The following GREB1L variants were observed in gnomAD, a reference collection of about 807,000 sequenced individuals.
GREB1L encodes GREB1 like retinoic acid receptor coactivator.
GREB1L carries 17 observed loss-of-function variants against 200.8 expected under a neutral mutation model. The observed-to-expected ratio is 0.08, with a 90% CI of 0.06 to 0.13. The LOEUF is 0.13. Ranked by LOEUF, GREB1L falls within the 10% of genes least tolerant of loss-of-function variation. The pLI is 1.00. For synonymous variants in GREB1L, 789 were observed against 893.0 expected (o/e 0.88, Z 2.08); for missense variants, 1,657 against 2,367.7 (o/e 0.70, Z 6.23).
rs748585568 is a variant in GREB1L, at chr18:21,495,658, C to G, written c.3031-12C>G. The G allele has an allele frequency of 7.5e-6, 10 of 1,340,982 alleles. No individual in the cohort carries two copies. The highest frequency in any genetic ancestry group is 2.1e-6 in the Non-Finnish European group (2 of 963,890). 83.1% of individuals were successfully genotyped at this position (1,340,982 alleles called of 1,614,324 possible). ...AGAGTTTTAATTTTAACATACGGGTCTCTTTCTGTAGAGTTGGAGAGGAAA... is the reference window on the plus strand; with the variant it reads ...AGAGTTTTAATTTTAACATACGGGTGTCTTTCTGTAGAGTTGGAGAGGAAA... On this transcript the variant is annotated splice_polypyrimidine_tract_variant and intron_variant, in intron 19 of 32. Transcript: ENST00000424526.
chr18:21,311,884 A>G (rs2038796620), intron 1 of GREB1L, among the ~76,000 whole-genome samples: 1 of 151,780 alleles, frequency 6.6e-6, no homozygotes, highest in African/African-American at 2.4e-5. Context: ...TTATATAGGT[A>G]AACTCATGTC....
At position 21,383,758 on chromosome 18, in the gene GREB1L, G is replaced by T. The variant is rs1188480546; in HGVS notation, c.157+83G>T. 7 of 1,367,794 alleles carry T rather than the reference G, an allele frequency of 5.1e-6. No homozygotes were observed. In the Admixed American group the frequency reaches 1.5e-4, roughly 29 times the overall value. 84.7% of individuals were successfully genotyped at this position (1,367,794 alleles called of 1,614,324 possible). A position where few individuals can be genotyped will look rare whatever the true frequency, so the allele number is the denominator to read the frequency against. The stretch of plus-strand genomic sequence containing the variant: ...GATGGAGTCTCCGTCTGTTGCCCAG[G>T]CTGGAGTGCAGTGGCGTGATCTCGG... On this transcript the variant is annotated intron_variant, in intron 3 of 32. Coordinates refer to ENST00000424526, the MANE Select transcript of GREB1L (RefSeq NM_001142966.3).
intron 1 of GREB1L, among the ~76,000 whole-genome samples, chr18:21,324,481 C>T (rs1350552955): frequency 6.6e-6 from 1 of 152,190 alleles, no homozygotes; most frequent in African/African-American, 2.4e-5. Flanking sequence ...CTGTCAAAAT[C>T]AACCAGAAAA....
intron 5 of GREB1L, 137 bp downstream of exon 5, chr18:21,395,698 C>A: frequency 1.1e-5 from 6 of 565,164 alleles, no homozygotes; most frequent in Non-Finnish European, 1.5e-5. Context: ...AATTATGAGA[C>A]ATTTTTTCTT....
chr18:21,264,294 C>T (rs2037933589), intron 1 of GREB1L, among the ~76,000 whole-genome samples: 1 of 151,312 alleles, frequency 6.6e-6, no homozygotes, highest in Admixed American at 6.6e-5. Flanking sequence ...ACGATGACAA[C>T]AAATGACACA....
chr18:21,242,839 G>A (rs370483243), intron 1 of GREB1L, among the ~76,000 whole-genome samples: 3 of 152,270 alleles, frequency 2.0e-5, no homozygotes, highest in African/African-American at 7.2e-5. Context: ...CCGAGCCCAG[G>A]GGCAGTGAGG....
chr18:21,278,150 C>T (rs1487697560), intron 1 of GREB1L, among the ~76,000 whole-genome samples: 3 of 152,048 alleles, frequency 2.0e-5, no homozygotes, highest in East Asian at 1.9e-4. Flanking sequence ...GAGGCCGAGG[C>T]GGGTGGATCA....
intron 1 of GREB1L, among the ~76,000 whole-genome samples, chr18:21,251,021 T>TA (rs1269108416): frequency 6.6e-6 from 1 of 152,182 alleles, no homozygotes; most frequent in Non-Finnish European, 1.5e-5. Flanking sequence ...TTATGCTTTT[T>TA]AAAAAACTTG....
chr18:21,356,130 C>A (rs1321047641), intron 1 of GREB1L, among the ~76,000 whole-genome samples: 1 of 151,360 alleles, frequency 6.6e-6, no homozygotes, highest in African/African-American at 2.4e-5. Flanking sequence ...TGTGCCACCA[C>A]ACCCAACTAA....
chr18:21,364,141 C>T (rs536652099), intron 1 of GREB1L, among the ~76,000 whole-genome samples: 1 of 152,082 alleles, frequency 6.6e-6, no homozygotes, highest in Non-Finnish European at 1.5e-5. Context: ...GTTTTGGCCA[C>T]ATAACTAATA....
intron 1 of GREB1L, among the ~76,000 whole-genome samples, chr18:21,269,618 G>GAGGAAATAAACTAATGA (rs966111444): frequency 3.3e-5 from 5 of 152,034 alleles, no homozygotes; most frequent in African/African-American, 4.8e-5. Context: ...AGAGTCAGAA[G>GAGGAAATAAACTAATGA]AGGAAATAAA....
intron 7 of GREB1L, among the ~76,000 whole-genome samples, chr18:21,421,257 G>A (rs1432628333): frequency 6.6e-6 from 1 of 152,102 alleles, no homozygotes; most frequent in African/African-American, 2.4e-5. Context: ...TTAAGTATGT[G>A]CAGTTTATTG....
intron 7 of GREB1L, among the ~76,000 whole-genome samples, chr18:21,414,357 C>T (rs970661904): frequency 3.2e-4 from 48 of 152,044 alleles, no homozygotes; most frequent in African/African-American, 9.7e-4. Context: ...AAAACTGGTT[C>T]GTGGGAGAAG....
intron 4 of GREB1L, 94 bp from the exon 5 acceptor site, chr18:21,395,291 T>A: frequency 1.0e-6 from 1 of 996,370 alleles, no homozygotes; most frequent in Non-Finnish European, 1.5e-6. Flanking sequence ...GTAATAGTGA[T>A]TCTCAAAAAT....
intron 1 of GREB1L, among the ~76,000 whole-genome samples, chr18:21,278,833 G>A (rs545799043): frequency 1.3e-5 from 2 of 152,242 alleles, no homozygotes; most frequent in South Asian, 2.1e-4. Context: ...TTGTCTTAAT[G>A]TCAATGTTTC....
chr18:21,478,821 C>G (rs1021206229), intron 17 of GREB1L, among the ~76,000 whole-genome samples: 5 of 152,200 alleles, frequency 3.3e-5, no homozygotes, highest in African/African-American at 1.2e-4. Flanking sequence ...CAAGTAGCTG[C>G]TGGGTTGCTC....
chr18:21,296,386 A>T (rs1598637879), intron 1 of GREB1L, among the ~76,000 whole-genome samples: 1 of 152,174 alleles, frequency 6.6e-6, no homozygotes, highest in Non-Finnish European at 1.5e-5. Flanking sequence ...CACTGGGTAC[A>T]CACAGACATA....
intron 2 of GREB1L, among the ~76,000 whole-genome samples, chr18:21,376,812 CAAAAAA>C (rs534144361): frequency 1.0e-4 from 6 of 59,680 alleles, no homozygotes; most frequent in Admixed American, 3.8e-4. Flanking sequence ...GAGTCCGTCT[CAAAAAA>C]AAAAAAAAAA....
At chr18:21,410,645 AAAAAG>A (rs1384887849) in intron 7 of GREB1L, among the ~76,000 whole-genome samples, 2 of 151,422 alleles carry the variant, frequency 1.3e-5, no homozygotes, top group African/African-American at 4.9e-5. Flanking sequence ...ACAGAAAAAA[AAAAAG>A]ACAAAGTGTT....
Sources: allele counts gnomAD v4.1 joint callset (sites outside exome capture counted in the v4.1 genomes callset), GRCh38; gene constraint gnomAD v4.1.1; transcripts MANE v1.5; gene names NCBI Gene and HGNC (gene_info 2026-07-23, HGNC 2026-07-21).